The following CUL1 variants were observed in gnomAD, a reference collection of about 807,000 sequenced individuals.
The protein encoded by CUL1 is cullin-1.
In CUL1, 24 loss-of-function variants were observed where a neutral mutation model predicts 118.0. The observed-to-expected ratio is 0.20, with a 90% confidence interval of 0.15 to 0.29. CUL1 has a LOEUF of 0.29. CUL1 is among the 10% of genes least tolerant of loss of function. The pLI, the probability that CUL1 is intolerant of heterozygous loss-of-function variation, is 1.00. For synonymous variants in CUL1, 332 were observed against 340.4 expected (o/e 0.98, Z 0.27); for missense variants, 361 against 933.8 (o/e 0.39, Z 7.99).
chr7:148,729,224 T>C lies in CUL1; in HGVS notation c.-161-738T>C, dbSNP rs891766875. ...ATAGCCACTACCATTGTTAAGCATTTACTCTGTGTTAAGTATTTTCTAATA... is the reference window on the plus strand; with the variant it reads ...ATAGCCACTACCATTGTTAAGCATTCACTCTGTGTTAAGTATTTTCTAATA... On this transcript the variant is annotated intron_variant, in intron 1 of 21. Transcript: ENST00000325222. Among the ~76,000 whole-genome samples, 8 of 152,396 alleles carry C rather than the reference T, an allele frequency of 5.2e-5. No individual in the cohort carries two copies. The East Asian group carries it at 1.3e-3, about 26-fold the overall frequency.
intron 2 of CUL1, among the ~76,000 whole-genome samples, chr7:148,740,040 A>G (rs536231010): frequency 9.4e-5 from 14 of 148,208 alleles, no homozygotes; most frequent in Non-Finnish European, 2.1e-4. Flanking sequence ...TTGGAATGGT[A>G]TTGAATTTTT....
At position 148,711,338 on chromosome 7, in the gene CUL1, G is replaced by A. The variant is rs900952632; in HGVS notation, c.-162+12309G>A. Reference sequence around the variant, plus strand: ...ATTGAACATATGTGCAGAGAATGGGGGTGCAAATCTGACAGGTGGAACCAC... The same window carrying A: ...ATTGAACATATGTGCAGAGAATGGGAGTGCAAATCTGACAGGTGGAACCAC... On this transcript the variant is annotated intron_variant, in intron 1 of 21. Coordinates refer to ENST00000325222, the MANE Select transcript of CUL1 (RefSeq NM_003592.3). 2.0e-5 allele frequency among the ~76,000 whole-genome samples: 3 copies of A among 152,234 alleles called. No homozygotes were observed. In the South Asian group the frequency reaches 6.2e-4, roughly 32 times the overall value.
rs184055126 is a variant in CUL1 at position 148,778,572 on chromosome 7, G to A, written c.1084-5211G>A. On this transcript the variant is annotated intron_variant, in intron 9 of 21. Coordinates refer to ENST00000325222, the MANE Select transcript of CUL1 (RefSeq NM_003592.3). Reference sequence around the variant, plus strand: ...TGACACTGCCCCCAAACAACTGCACGATATGTTTTTGTTACTTAGTGGGGC... The same window carrying A: ...TGACACTGCCCCCAAACAACTGCACAATATGTTTTTGTTACTTAGTGGGGC... Among the ~76,000 whole-genome samples the A allele has an allele frequency of 3.8e-3, 575 of 152,274 alleles. 3 individuals carry two copies. The highest frequency in any genetic ancestry group is 0.01 in the Middle Eastern group (3 of 294).
chr7:148,796,991 G>A (rs541525024), intron 17 of CUL1, among the ~76,000 whole-genome samples: 2 of 152,292 alleles, frequency 1.3e-5, no homozygotes, highest in African/African-American at 2.4e-5. Context: ...GTAAGAGTCC[G>A]TGTGACTCTG....
At chr7:148,795,541 C>A (rs986818818) in intron 17 of CUL1, among the ~76,000 whole-genome samples, 1 of 151,896 alleles carries the variant, frequency 6.6e-6, no homozygotes, top group Non-Finnish European at 1.5e-5. Context: ...CCGAGGCGGG[C>A]GGATCACGAG....
chr7:148,737,336 T>G (rs920959755), intron 2 of CUL1, among the ~76,000 whole-genome samples: 1 of 152,056 alleles, frequency 6.6e-6, no homozygotes, highest in African/African-American at 2.4e-5. Flanking sequence ...TCAATTGCAA[T>G]TAGTTTTTAC....
At chr7:148,709,238 A>AC (rs1383735520) in intron 1 of CUL1, among the ~76,000 whole-genome samples, 1 of 152,210 alleles carries the variant, frequency 6.6e-6, no homozygotes, top group African/African-American at 2.4e-5. Flanking sequence ...TACAGGCCAA[A>AC]CTGCGTATAT....
chr7:148,766,566 G>C lies in CUL1; in HGVS notation c.795G>C (p.Glu265Asp). The C allele has an allele frequency of 6.2e-7, 1 of 1,601,882 alleles. No homozygotes were observed. The highest frequency in any genetic ancestry group is 8.5e-7 in the Non-Finnish European group (1 of 1,175,976). ...NPVTEYMKKA[E>D]ARLLEEQRRV... is the part of the protein sequence containing the mutation. The stretch of plus-strand genomic sequence containing the variant: ...CTTGAATTAATTTTCTCCAGGCAGA[G>C]GCTCGTCTGCTTGAGGAACAACGAA... The change falls in exon 8 of 22, where the codon GAG becomes GAC. Residue 265 changes from glutamate to aspartate, a missense_variant. Around this residue, in one of 7 missense-constraint regions of CUL1, gnomAD observed 169 missense variants for 429.7 expected, o/e 0.39. Transcript: ENST00000325222.
chr7:148,783,785 C>A lies in CUL1; in HGVS notation c.1086C>A (p.Asp362Glu). 6.2e-7 allele frequency: 1 copy of A among 1,613,884 alleles called. No individual in the cohort carries two copies. The highest frequency in any genetic ancestry group is 1.1e-5 in the South Asian group (1 of 91,080). Residue 362 changes from aspartate to glutamate, a missense_variant and splice_region_variant, in exon 10 of 22, where the codon GAC (aspartate) becomes GAA (glutamate). By Grantham distance (45) the Asp-to-Glu change is conservative. Coordinates refer to ENST00000325222, the MANE Select transcript of CUL1 (RefSeq NM_003592.3). ...IEKCGEAALN[D>E]PKMYVQTVLD... ...TTCTATTTCTGCCCCCATTTAAGGACCCCAAAATGTATGTACAGACAGTGC... is the reference window on the plus strand; with the variant it reads ...TTCTATTTCTGCCCCCATTTAAGGAACCCAAAATGTATGTACAGACAGTGC...
At chr7:148,741,053 C>G (rs243501) in intron 2 of CUL1, among the ~76,000 whole-genome samples, 54,528 of 152,122 alleles carry the variant, frequency 0.36, 9,910 homozygotes, top group South Asian at 0.46. Flanking sequence ...ATAATGTTTT[C>G]TAACTTCATC....
Position 148,709,358 on chromosome 7 carries a change from T to G in CUL1, c.-162+10329T>G, listed in dbSNP as rs534256009. Among the ~76,000 whole-genome samples the G allele has an allele frequency of 5.9e-5, 9 of 152,148 alleles. No individual in the cohort carries two copies. The South Asian group carries it at 1.9e-3, about 31-fold the overall frequency. ...TTTATATTTTTCAGAAGTTTATTTA[T>G]TTGCAGTTTTGATGTGTACATTTTA... On this transcript the variant is annotated intron_variant, in intron 1 of 21. Coordinates refer to ENST00000325222, the MANE Select transcript of CUL1 (RefSeq NM_003592.3).
At chr7:148,740,100 C>T (rs531277633) in intron 2 of CUL1, among the ~76,000 whole-genome samples, 10 of 151,678 alleles carry the variant, frequency 6.6e-5, no homozygotes, top group East Asian at 1.9e-4. Context: ...TTGCCCAGGC[C>T]GGAGTGCAAT....
intron 1 of CUL1, among the ~76,000 whole-genome samples, chr7:148,704,092 C>T (rs1394347648): frequency 3.3e-5 from 5 of 151,430 alleles, no homozygotes; most frequent in Non-Finnish European, 7.4e-5. Context: ...AATATTGTAA[C>T]TTACAAGCAA....
At chr7:148,734,251 CTG>C (rs144972709) in intron 2 of CUL1, among the ~76,000 whole-genome samples, 3 of 151,498 alleles carry the variant, frequency 2.0e-5, no homozygotes, top group African/African-American at 7.3e-5. Flanking sequence ...CATGCAGCAA[CTG>C]TGTGTGTGTG....
intron 1 of CUL1, among the ~76,000 whole-genome samples, chr7:148,703,277 G>C (rs1356971992): frequency 6.6e-6 from 1 of 152,206 alleles, no homozygotes; most frequent in African/African-American, 2.4e-5. Context: ...CATTGTGGGA[G>C]AGTAATTGGG....
At chr7:148,784,211 A>G in intron 11 of CUL1, 134 bp downstream of exon 11, 1 of 712,920 alleles carries the variant, frequency 1.4e-6, no homozygotes, top group South Asian at 1.8e-5. Context: ...ATGCTTAAAC[A>G]TAATCGTCCT....
intron 9 of CUL1, among the ~76,000 whole-genome samples, chr7:148,781,507 T>C (rs1800631616): frequency 6.6e-6 from 1 of 152,236 alleles, no homozygotes; most frequent in Admixed American, 6.5e-5. Flanking sequence ...TCCTGGAGAT[T>C]TGGCTTTCCA....
intron 9 of CUL1, 75 bp from the exon 10 acceptor site, chr7:148,783,708 C>T (rs1800730187): frequency 6.3e-7 from 1 of 1,581,048 alleles, no homozygotes; most frequent in Non-Finnish European, 8.7e-7. Context: ...TATGCTAGTA[C>T]ATGCATTGTA....
chr7:148,792,043 G>A (rs775970584), intron 16 of CUL1, among the ~76,000 whole-genome samples: 1 of 152,166 alleles, frequency 6.6e-6, no homozygotes, highest in Non-Finnish European at 1.5e-5. Context: ...AAAATTAGCT[G>A]GGTGTGGTGG....
Sources: gnomAD v4.1 joint callset for allele counts (sites outside exome capture counted in the v4.1 genomes callset) on GRCh38, gnomAD v4.1.1 for gene constraint, gnomAD v4.1.1 regional missense constraint, MANE v1.5 for transcripts, NCBI Gene and HGNC (gene_info 2026-07-23, HGNC 2026-07-21) for gene names.